The following RNF213 variants were observed in gnomAD, a reference collection of about 807,000 sequenced individuals.
RNF213 encodes the protein E3 ubiquitin-protein ligase RNF213.
Under a neutral mutation model 514.4 loss-of-function variants are expected in RNF213, and 341 were observed. The observed-to-expected ratio is 0.66, with a 90% CI of 0.61 to 0.73. The LOEUF is 0.73. Ranked by LOEUF, RNF213 falls within the 30% of genes least tolerant of loss-of-function variation. The pLI is 0.00. For synonymous variants in RNF213, 2,655 were observed against 2,658.2 expected, an observed-to-expected ratio of 1.00 and a Z score of 0.04; for missense variants, 5,767 against 6,615.6, an observed-to-expected ratio of 0.87 and a Z score of 4.45.
chr17:80,383,101 T>C (rs971057242), intron 58 of RNF213, 31 bp downstream of exon 58: 1 of 1,518,406 alleles, frequency 6.6e-7, no homozygotes, highest in Admixed American at 1.7e-5. Context: ...GCTGGGTTGC[T>C]CCTCGGTCCA....
intron 19 of RNF213, 26 bp downstream of exon 19, chr17:80,328,015 C>G (rs1183453552): frequency 1.3e-6 from 2 of 1,536,284 alleles, no homozygotes; most frequent in Admixed American, 3.9e-5. Context: ...ATACGCACTT[C>G]AGGCTCCTGA....
At position 80,347,625 on chromosome 17, in the gene RNF213, G is replaced by A. The variant is rs1486377924; in HGVS notation, c.9290G>A (p.Gly3097Asp). The change falls in exon 29 of 68, where the codon GGC becomes GAC. Residue 3097 changes from glycine to aspartate, a missense_variant. Gly to Asp is a moderately conservative substitution (Grantham distance 94). This residue lies in a region of RNF213 where 919 missense variants were observed against 1,121.0 expected (regional missense o/e 0.82). Coordinates refer to ENST00000582970, the MANE Select transcript of RNF213 (RefSeq NM_001256071.3). This position sits in a 1 kb window ranked among gnomAD's most constrained non-coding sequence, Gnocchi z 7.2. ...INRVKICMET[G>D]KMVLLLNLQN... The stretch of plus-strand genomic sequence containing the variant: ...CGTGTGAAGATCTGCATGGAAACAG[G>A]CAAGATGGTGTTGCTTCTCAACCTG... 1 of 1,613,982 alleles carries A rather than the reference G, an allele frequency of 6.2e-7. No individual in the cohort carries two copies. Among genetic ancestry groups the A allele is most frequent in the Non-Finnish European group, 8.5e-7 (1 of 1,180,044 alleles).
In RNF213 at chr17:80,379,505, A is replaced by T. The variant is rs565433718; in HGVS notation, c.13546-115A>T. On this transcript the variant is annotated intron_variant, in intron 54 of 67. Coordinates refer to ENST00000582970, the MANE Select transcript of RNF213 (RefSeq NM_001256071.3). ...ACCCGAAACAAGCACACACTGGGAC[A>T]ATCTGAGGGTGCTCACGTCTGCCGG... 15 of 980,248 alleles carry T rather than the reference A, an allele frequency of 1.5e-5. No homozygotes were observed. In the East Asian group the frequency reaches 3.6e-4, roughly 24 times the overall value. The allele number at this position is 980,248 out of a possible 1,614,324, so 60.7% of individuals were successfully genotyped here. A position where few individuals can be genotyped will look rare whatever the true frequency, so the allele number is the denominator to read the frequency against.
At chr17:80,308,974 T>C in intron 13 of RNF213, 44 bp from the exon 14 acceptor site, 3 of 1,612,362 alleles carry the variant, frequency 1.9e-6, no homozygotes, top group Non-Finnish European at 1.7e-6. Context: ...TTCTGGCTTC[T>C]CCTAAATCCT....
At chr17:80,362,089 G>A (rs1220704946) in intron 39 of RNF213, among the ~76,000 whole-genome samples, 1 of 152,152 alleles carries the variant, frequency 6.6e-6, no homozygotes, top group African/African-American at 2.4e-5. Context: ...TCAGTCCACC[G>A]CCCAGGGGCT....
Position 80,335,066 on chromosome 17 carries a change from C to T in RNF213, c.4309+796C>T, listed in dbSNP as rs371206834. On this transcript the variant is annotated intron_variant, in intron 22 of 67. Transcript: ENST00000582970. ...TCTCCTGAGTAGCTGGGATTACAGG[C>T]GCCCGCCACCACACCCAGCTACTTT... is the stretch of plus-strand genomic sequence containing the variant. Among the ~76,000 whole-genome samples, 326 of 151,988 alleles carry T rather than the reference C, an allele frequency of 2.1e-3. 2 individuals carry two copies. Among genetic ancestry groups the T allele is most frequent in the African/African-American group, 7.5e-3 (311 of 41,440 alleles).
intron 11 of RNF213, among the ~76,000 whole-genome samples, chr17:80,304,860 A>T (rs893878630): frequency 6.6e-6 from 1 of 151,900 alleles, no homozygotes; most frequent in African/African-American, 2.4e-5. Flanking sequence ...TCCCCATGAA[A>T]CACGACCTCC....
At position 80,354,452 on chromosome 17, in the gene RNF213, C is replaced by T. The variant is rs554959669; in HGVS notation, c.10738C>T (p.Arg3580Trp). Reference protein sequence around the residue: ...EDDACHASFLRVSKMRLSVFL... With the variant: ...EDDACHASFLWVSKMRLSVFL... ...CTGCCTTTGTACAGCCTCTTTCTTG[C>T]GGGTATCCAAGATGCGCCTCAGTGT... The change falls in exon 36 of 68, where the codon CGG becomes TGG. Residue 3580 changes from arginine to tryptophan, a missense_variant. Arg to Trp is a moderately radical substitution (Grantham distance 101, BLOSUM62 -3). Coordinates refer to ENST00000582970, the MANE Select transcript of RNF213 (RefSeq NM_001256071.3). The T allele has an allele frequency of 2.9e-5, 47 of 1,614,166 alleles. No individual in the cohort carries two copies. The East Asian group carries it at 8.7e-4, about 30-fold the overall frequency.
chr17:80,309,435 G>A (rs1463381152), intron 14 of RNF213, among the ~76,000 whole-genome samples: 1 of 152,162 alleles, frequency 6.6e-6, no homozygotes, highest in Admixed American at 6.5e-5. Context: ...CCATCAGCTG[G>A]TCATGGGGAA....
chr17:80,354,818 T>TA (rs377196511), intron 36 of RNF213: 1 of 561,442 alleles, frequency 1.8e-6, no homozygotes, highest in African/African-American at 1.9e-5. Context: ...ACTAAAAACT[T>TA]AAAAAAAGTA....
Position 80,363,688 on chromosome 17 carries a change from TAC to T in RNF213, c.11650_11651del (p.Gln3884ValfsTer16), listed in dbSNP as rs756244535. Reference sequence around the variant, plus strand: ...CTGAAGCCCAGTCCCCAGGCGTGGCTACAGTTGGTGAAGAATCTTTCCATGCC... The same window carrying T: ...CTGAAGCCCAGTCCCCAGGCGTGGCTAGTTGGTGAAGAATCTTTCCATGCC... On this transcript the variant is annotated frameshift_variant, in exon 41 of 68. Coordinates refer to ENST00000582970, the MANE Select transcript of RNF213 (RefSeq NM_001256071.3). LOFTEE classifies it high-confidence loss of function. 5 of 1,613,914 alleles carry T rather than the reference TAC, an allele frequency of 3.1e-6. No homozygotes were observed. In the African/African-American group the frequency reaches 6.7e-5, roughly 22 times the overall value.
At position 80,395,237 on chromosome 17, in the gene RNF213, G is replaced by A. The variant is rs1367560747; in HGVS notation, c.*1739G>A. On this transcript the variant is annotated 3_prime_UTR_variant, in exon 68 of 68. Transcript: ENST00000582970. ...TACAGAAATATACTGGCCTAGCAGA[G>A]GCAAAAAAAAAAAAAATGAATTTTA... The A allele has an allele frequency of 4.5e-5, 6 of 133,162 alleles. No individual in the cohort carries two copies. The highest frequency in any genetic ancestry group is 6.4e-5 in the Non-Finnish European group (4 of 62,836). The allele number at this position is 133,162 out of a possible 1,614,324, so 8.2% of individuals were successfully genotyped here. A position where few individuals can be genotyped will look rare whatever the true frequency, so the allele number is the denominator to read the frequency against.
chr17:80,351,995 C>G, intron 32 of RNF213, 192 bp downstream of exon 32: 2 of 459,990 alleles, frequency 4.3e-6, no homozygotes, highest in South Asian at 2.4e-5. Context: ...GCTGGCATTA[C>G]AGGCGTGCGC....
At chr17:80,287,745 G>T in intron 3 of RNF213, 70 bp from the exon 4 acceptor site, 3 of 1,532,086 alleles carry the variant, frequency 2.0e-6, no homozygotes, top group Non-Finnish European at 2.7e-6. Flanking sequence ...GGAAGAGAAA[G>T]TTGGAGGGAA....
At position 80,263,596 on chromosome 17, in the gene RNF213, C is replaced by A; in HGVS notation, c.-86C>A. 9.4e-7 allele frequency: 1 copy of A among 1,064,846 alleles called. No individual in the cohort carries two copies. The highest frequency in any genetic ancestry group is 1.5e-6 in the Non-Finnish European group (1 of 679,490). 66.0% of individuals were successfully genotyped at this position (1,064,846 alleles called of 1,614,324 possible). A position where few individuals can be genotyped will look rare whatever the true frequency, so the allele number is the denominator to read the frequency against. ...CAGAAAATGAAACTGAAGCCGTGGT[C>A]ACGTGACAGGACATGTAGTATATAG... On this transcript the variant is annotated 5_prime_UTR_variant, in exon 2 of 68. The change creates a premature stop within an existing upstream ORF in the 5' untranslated region. Coordinates refer to ENST00000582970, the MANE Select transcript of RNF213 (RefSeq NM_001256071.3). The surrounding 1 kb of genome is among the most constrained non-coding windows in gnomAD (Gnocchi z 4.9).
intron 49 of RNF213, 97 bp downstream of exon 49, chr17:80,373,262 C>A (rs1382671995): frequency 5.3e-6 from 4 of 761,074 alleles, no homozygotes; most frequent in East Asian, 2.9e-5. Flanking sequence ...CTACCCCCCC[C>A]ACACCCCACC....
At chr17:80,281,131 C>T in intron 3 of RNF213, among the ~76,000 whole-genome samples, 1 of 136,404 alleles carries the variant, frequency 7.3e-6, no homozygotes, top group Non-Finnish European at 1.6e-5. Context: ...TCACACACAC[C>T]CCCACACCCC....
At chr17:80,318,147 A>C (rs2046009695) in intron 16 of RNF213, among the ~76,000 whole-genome samples, 1 of 152,110 alleles carries the variant, frequency 6.6e-6, no homozygotes, top group Non-Finnish European at 1.5e-5. Context: ...CTTCTCTCTC[A>C]CTACCAAGTC....
At chr17:80,375,352 G>A (rs2079704130) in intron 50 of RNF213, among the ~76,000 whole-genome samples, 1 of 152,196 alleles carries the variant, frequency 6.6e-6, no homozygotes, top group South Asian at 2.1e-4. Flanking sequence ...TGAGGGCTGA[G>A]GCATGTGAAA....
Sources: gnomAD v4.1 joint callset for allele counts (sites outside exome capture counted in the v4.1 genomes callset) on GRCh38, gnomAD v4.1.1 for gene constraint, gnomAD v4.1.1 regional missense constraint, Gnocchi (gnomAD v3.1) non-coding constraint, MANE v1.5 for transcripts, NCBI Gene and HGNC (gene_info 2026-07-23, HGNC 2026-07-21) for gene names.